The following RMND1 variants were observed in gnomAD, a reference collection of about 807,000 sequenced individuals.
RMND1 encodes the protein required for meiotic nuclear division protein 1 homolog.
In RMND1, 41 loss-of-function variants were observed where a neutral mutation model predicts 54.0. The ratio of observed to expected loss-of-function variants is 0.76; its 90% CI spans 0.59 to 0.98. RMND1 has a LOEUF of 0.98. Ranked by LOEUF, RMND1 falls within the 50% of genes least tolerant of loss-of-function variation. RMND1 has a pLI of 0.00. For missense variants in RMND1, 457 were observed against 532.0 expected (o/e 0.86, Z 1.39); for synonymous variants, 183 against 181.7 (o/e 1.01, Z -0.06).
chr6:151,432,831 G>T (rs1186441536), intron 4 of RMND1, among the ~76,000 whole-genome samples: 3 of 152,098 alleles, frequency 2.0e-5, no homozygotes, highest in African/African-American at 7.2e-5. Context: ...TGGGGCAGGA[G>T]TCTGACAAGG....
Position 151,422,598 on chromosome 6 carries a change from C to T in RMND1, c.945G>A (p.Leu315=), listed in dbSNP as rs1434580252. The T allele has an allele frequency of 1.3e-6, 2 of 1,516,336 alleles. No homozygotes were observed. Among genetic ancestry groups the T allele is most frequent in the East Asian group, 2.4e-5 (1 of 42,046 alleles). 93.9% of individuals were successfully genotyped at this position (1,516,336 alleles called of 1,614,324 possible). A position where few individuals can be genotyped will look rare whatever the true frequency, so the allele number is the denominator to read the frequency against. ...FSNALCLSVK[L]AIWEASLDKF... ...TATCCAGTGATGCTTCCCAAATTGC[C>T]AGTTTTACTGGGAAAAAAATTAATA... The change falls in exon 8 of 12, where the codon CTG becomes CTA. Residue 315 remains leucine (L), a synonymous_variant. Transcript: ENST00000444024.
At chr6:151,444,734 G>C (rs1780900928) in intron 2 of RMND1, 1 of 152,390 alleles carries the variant, frequency 6.6e-6, no homozygotes, top group Admixed American at 6.5e-5. Context: ...CCCTTAAGTT[G>C]TTACTGAAGG....
At chr6:151,446,146 G>T (rs1433595988) in intron 1 of RMND1, 1 of 222,170 alleles carries the variant, frequency 4.5e-6, no homozygotes, top group African/African-American at 2.3e-5. Context: ...GTGCTGGCCA[G>T]GCACTGTAGC....
At chr6:151,406,348 C>T (rs1447296325) in intron 10 of RMND1, among the ~76,000 whole-genome samples, 3 of 131,878 alleles carry the variant, frequency 2.3e-5, no homozygotes, top group Admixed American at 7.5e-5. Context: ...TTGGATGTGA[C>T]AACTTTTTTT....
At chr6:151,449,060 CAAAAAAAAAAAAA>C (rs71014585) in intron 1 of RMND1, among the ~76,000 whole-genome samples, 1 of 18,662 alleles carries the variant, frequency 5.4e-5, no homozygotes, top group African/African-American at 2.5e-4. Context: ...GACTCTGTCT[CAAAAAAAAAAAAA>C]AAAAAAAAAA....
At chr6:151,432,754 C>A (rs1780483119) in intron 4 of RMND1, among the ~76,000 whole-genome samples, 1 of 151,630 alleles carries the variant, frequency 6.6e-6, no homozygotes, top group Non-Finnish European at 1.5e-5. Context: ...AAAGAGCTAC[C>A]AAAGGGGAAG....
chr6:151,419,966 AATTTAG>A (rs1780111849), intron 9 of RMND1, among the ~76,000 whole-genome samples: 2 of 140,576 alleles, frequency 1.4e-5, no homozygotes, highest in Admixed American at 1.3e-4. Flanking sequence ...ACCCTATATA[AATTTAG>A]ATTTAGTTTT....
intron 9 of RMND1, among the ~76,000 whole-genome samples, chr6:151,417,657 A>T (rs374864030): frequency 1.8e-4 from 27 of 152,188 alleles, no homozygotes; most frequent in African/African-American, 4.8e-4. Flanking sequence ...CATGTGGCTG[A>T]AAACATTTGT....
intron 3 of RMND1, among the ~76,000 whole-genome samples, chr6:151,433,867 C>T (rs1413365611): frequency 7.4e-6 from 1 of 135,748 alleles, no homozygotes; most frequent in Non-Finnish European, 1.6e-5. Flanking sequence ...CAGGGTCTTG[C>T]TCTGTCTCCC....
At chr6:151,427,166 C>T (rs931196424) in intron 6 of RMND1, among the ~76,000 whole-genome samples, 5 of 151,830 alleles carry the variant, frequency 3.3e-5, no homozygotes, top group African/African-American at 1.2e-4. Context: ...ATCACCAGGT[C>T]GAGATCCAGA....
At chr6:151,442,261 A>G (rs1309803592) in intron 2 of RMND1, among the ~76,000 whole-genome samples, 1 of 148,162 alleles carries the variant, frequency 6.7e-6, no homozygotes, top group East Asian at 1.9e-4. Flanking sequence ...AACATAGTAC[A>G]TATACACATA....
Position 151,430,133 on chromosome 6 carries a change from C to T in RMND1, c.729+5G>A. 1 of 1,587,462 alleles carries T rather than the reference C, an allele frequency of 6.3e-7. No individual in the cohort carries two copies. The highest frequency in any genetic ancestry group is 8.6e-7 in the Non-Finnish European group (1 of 1,159,322). Reference sequence around the variant, plus strand: ...TTATATTTTCACATTTTTATTTACACTTACAGTTTTGTCTTTCACATTCCA... The same window carrying T: ...TTATATTTTCACATTTTTATTTACATTTACAGTTTTGTCTTTCACATTCCA... On this transcript the variant is annotated splice_donor_5th_base_variant and intron_variant, in intron 5 of 11. Transcript: ENST00000444024.
intron 1 of RMND1, among the ~76,000 whole-genome samples, chr6:151,448,856 C>CA (rs1781038275): frequency 6.6e-6 from 1 of 151,878 alleles, no homozygotes; most frequent in African/African-American, 2.4e-5. Flanking sequence ...TGGGAGGGAT[C>CA]ACTTGGGGTC....
In RMND1 at chr6:151,445,495, C is replaced by A. The variant is rs1363042587; in HGVS notation, c.317G>T (p.Arg106Ile). 6 of 1,614,082 alleles carry A rather than the reference C, an allele frequency of 3.7e-6. No individual in the cohort carries two copies. The South Asian group carries it at 5.5e-5, about 15-fold the overall frequency. Reference sequence around the variant, plus strand: ...CAACAGATTTGGTTTGTGGGTCACTCTCCTGTGAGTACCAAAGGATTTCAT... The same window carrying A: ...CAACAGATTTGGTTTGTGGGTCACTATCCTGTGAGTACCAAAGGATTTCAT... ...PTMKSFGTHR[R>I]VTHKPNLLGS... Residue 106 changes from arginine (R) to isoleucine (I), a missense_variant, in exon 2 of 12, where the codon AGA becomes ATA. By Grantham distance (97) the Arg-to-Ile change is moderately conservative. Coordinates refer to ENST00000444024, the MANE Select transcript of RMND1 (RefSeq NM_017909.4).
intron 6 of RMND1, among the ~76,000 whole-genome samples, chr6:151,425,451 T>TACAC (rs375187928): frequency 1.3e-5 from 2 of 150,210 alleles, no homozygotes; most frequent in East Asian, 2.0e-4. Context: ...TGGATAAGCG[T>TACAC]ACACACACAC....
At chr6:151,424,284 C>T (rs1243713499) in intron 6 of RMND1, among the ~76,000 whole-genome samples, 1 of 151,938 alleles carries the variant, frequency 6.6e-6, no homozygotes, top group Non-Finnish European at 1.5e-5. Context: ...CATGGTGAAA[C>T]CCCGTCTCTA....
intron 5 of RMND1, among the ~76,000 whole-genome samples, chr6:151,429,278 C>T (rs1780389553): frequency 6.6e-6 from 1 of 151,996 alleles, no homozygotes; most frequent in Non-Finnish European, 1.5e-5. Context: ...TGCACCACCA[C>T]GCCCAGCTAA....
At chr6:151,450,770 G>C (rs931420651) in intron 1 of RMND1, among the ~76,000 whole-genome samples, 3 of 151,692 alleles carry the variant, frequency 2.0e-5, no homozygotes. Context: ...GGGGGGAAAG[G>C]GGGGGAAAAG....
chr6:151,407,982 G>A (rs1452569586), intron 10 of RMND1, among the ~76,000 whole-genome samples: 2 of 152,042 alleles, frequency 1.3e-5, no homozygotes, highest in African/African-American at 2.4e-5. Flanking sequence ...TGTACGCGTC[G>A]AGCATGCAGA....
Sources: allele counts gnomAD v4.1 joint callset (sites outside exome capture counted in the v4.1 genomes callset), GRCh38; gene constraint gnomAD v4.1.1; transcripts MANE v1.5; gene names NCBI Gene and HGNC (gene_info 2026-07-23, HGNC 2026-07-21).